Variants in TFG observed in about 807,000 individuals in gnomAD.
The protein encoded by TFG is protein TFG.
In TFG, 22 loss-of-function variants were observed where a neutral mutation model predicts 51.4. The observed-to-expected ratio is 0.43, with a 90% CI of 0.31 to 0.61. The LOEUF (loss-of-function observed/expected upper bound fraction) is 0.61, where lower values mean the gene tolerates loss of function less well. TFG is among the 20% of genes least tolerant of loss of function. The pLI, the probability that TFG is intolerant of heterozygous loss-of-function variation, is 0.12. For missense variants in TFG, 419 were observed against 487.7 expected (o/e 0.86, Z 1.33); for synonymous variants, 187 against 165.6 (o/e 1.13, Z -0.99).
intron 6 of TFG, among the ~76,000 whole-genome samples, chr3:100,740,322 G>A (rs1030957613): frequency 6.6e-6 from 1 of 152,160 alleles, no homozygotes; most frequent in Non-Finnish European, 1.5e-5. Flanking sequence ...GGCTGCTGGG[G>A]TTATAGTCAT....
chr3:100,715,830 G>A (rs2095044295), intron 2 of TFG, among the ~76,000 whole-genome samples: 1 of 150,258 alleles, frequency 6.7e-6, no homozygotes, highest in South Asian at 2.1e-4. Context: ...AGGCAATACT[G>A]CCAACCCGGC....
chr3:100,740,808 A>G (rs1361786061), intron 6 of TFG, among the ~76,000 whole-genome samples: 1 of 151,920 alleles, frequency 6.6e-6, no homozygotes, highest in East Asian at 1.9e-4. Flanking sequence ...TTTTTACTTT[A>G]TTCTGTCATT....
chr3:100,715,443 G>A (rs973386786), intron 2 of TFG, among the ~76,000 whole-genome samples: 2 of 152,216 alleles, frequency 1.3e-5, no homozygotes, highest in East Asian at 1.9e-4. Context: ...ATGCAAATGG[G>A]TTGGGAAGTA....
intron 5 of TFG, among the ~76,000 whole-genome samples, chr3:100,733,451 T>G (rs561119543): frequency 3.3e-5 from 5 of 152,334 alleles, no homozygotes; most frequent in African/African-American, 9.6e-5. Context: ...TCTGTTGAGA[T>G]TCTTTATTTT....
chr3:100,728,841 C>T lies in TFG; in HGVS notation c.398C>T (p.Thr133Ile), dbSNP rs749474872. ...LEPPGEPGPSTNIPENDTVDG... is the reference protein window; with the variant it reads ...LEPPGEPGPSINIPENDTVDG... The stretch of plus-strand genomic sequence containing the variant: ...CCACCTGGAGAACCAGGACCTTCCA[C>T]CAATATTCCTGAAAATGGTAAACCC... The change falls in exon 4 of 8, where the codon ACC (threonine) becomes ATC (isoleucine). Residue 133 changes from threonine to isoleucine, a missense_variant. By Grantham distance (89) the Thr-to-Ile change is moderately conservative (BLOSUM62 -1). This residue lies in a region of TFG where 391 missense variants were observed against 434.4 expected (regional missense o/e 0.90). Coordinates refer to ENST00000240851, the MANE Select transcript of TFG (RefSeq NM_006070.6). 3.1e-6 allele frequency: 5 copies of T among 1,604,006 alleles called. No individual in the cohort carries two copies. In the South Asian group the frequency reaches 5.6e-5, roughly 18 times the overall value.
chr3:100,720,496 A>G (rs1030720432), intron 3 of TFG, among the ~76,000 whole-genome samples: 1 of 152,246 alleles, frequency 6.6e-6, no homozygotes, highest in African/African-American at 2.4e-5. Context: ...CAGTTCTTCT[A>G]TGGAAGGGGG....
intron 1 of TFG, among the ~76,000 whole-genome samples, chr3:100,710,725 A>G (rs1249731447): frequency 6.6e-6 from 1 of 152,180 alleles, no homozygotes; most frequent in East Asian, 1.9e-4. Flanking sequence ...GTTATATTAT[A>G]CAAGTTAGAA....
At chr3:100,718,879 A>T (rs1162615228) in intron 2 of TFG, among the ~76,000 whole-genome samples, 1 of 151,790 alleles carries the variant, frequency 6.6e-6, no homozygotes, top group Non-Finnish European at 1.5e-5. Context: ...GATTGTTTTG[A>T]TTTGTGTCCG....
chr3:100,736,409 G>A (rs1396951462), intron 5 of TFG, among the ~76,000 whole-genome samples, 167 bp from the exon 6 acceptor site: 2 of 152,094 alleles, frequency 1.3e-5, no homozygotes, highest in Admixed American at 1.3e-4. Context: ...TAAGAGATTG[G>A]AGCAAAGGAA....
intron 2 of TFG, among the ~76,000 whole-genome samples, chr3:100,719,756 G>GT (rs775088744): frequency 2.6e-5 from 4 of 152,112 alleles, no homozygotes; most frequent in Non-Finnish European, 5.9e-5. Flanking sequence ...GTGGATATGT[G>GT]TAAATACCTT....
At chr3:100,715,726 AT>A (rs879744191) in intron 2 of TFG, among the ~76,000 whole-genome samples, 216 of 144,500 alleles carry the variant, frequency 1.5e-3, no homozygotes, top group Admixed American at 1.7e-3. Context: ...TGATCAGTGA[AT>A]TTTTTTTTTT....
chr3:100,714,585 A>T (rs7650690), intron 2 of TFG, among the ~76,000 whole-genome samples: 2 of 151,378 alleles, frequency 1.3e-5, no homozygotes, highest in African/African-American at 4.9e-5. Flanking sequence ...TACAAGCATT[A>T]TTTTCTCCTT....
At chr3:100,714,734 A>G (rs1428685425) in intron 2 of TFG, among the ~76,000 whole-genome samples, 1 of 152,236 alleles carries the variant, frequency 6.6e-6, no homozygotes, top group Non-Finnish European at 1.5e-5. Context: ...GGTTTAAACA[A>G]AGACAAAAGT....
intron 7 of TFG, 62 bp downstream of exon 7, chr3:100,744,993 A>G: frequency 1.0e-6 from 1 of 991,820 alleles, no homozygotes; most frequent in South Asian, 1.8e-5. Context: ...ATTAAACTTT[A>G]AGTTCTTAAT....
chr3:100,732,566 T>A lies in TFG; in HGVS notation c.474T>A (p.Thr158=). Residue 158 remains threonine (T), a synonymous_variant, in exon 5 of 8, where the codon ACT becomes ACA. Transcript: ENST00000240851. ...SASDSSGKQS[T]QVMAASMSAF... is the part of the protein sequence containing the mutation. ...CTGATTCTTCTGGAAAACAGTCTAC[T>A]CAGGTTATGGCAGCAAGTATGTCTG... 6.2e-7 allele frequency: 1 copy of A among 1,613,054 alleles called. No homozygotes were observed. The highest frequency in any genetic ancestry group is 8.5e-7 in the Non-Finnish European group (1 of 1,179,434).
intron 3 of TFG, 113 bp from the exon 4 acceptor site, chr3:100,728,599 A>T: frequency 2.4e-6 from 2 of 842,068 alleles, no homozygotes; most frequent in Non-Finnish European, 3.5e-6. Context: ...CATTACATTG[A>T]TATCTTGTTT....
At chr3:100,746,475 A>G (rs2095135193) in intron 7 of TFG, among the ~76,000 whole-genome samples, 1 of 152,166 alleles carries the variant, frequency 6.6e-6, no homozygotes, top group African/African-American at 2.4e-5. Flanking sequence ...GAGTTGGCAG[A>G]CTTACTCCAT....
intron 3 of TFG, among the ~76,000 whole-genome samples, chr3:100,722,010 C>CTAATTT (rs1204221234): frequency 6.6e-6 from 1 of 152,048 alleles, no homozygotes. Flanking sequence ...AATTAGCCAG[C>CTAATTT]TGTAGTGGTG....
chr3:100,729,597 T>C (rs1439647162), intron 4 of TFG, among the ~76,000 whole-genome samples: 1 of 152,102 alleles, frequency 6.6e-6, no homozygotes, highest in East Asian at 1.9e-4. Context: ...TATTATTTTT[T>C]TCTTTTTACA....
Sources: allele counts gnomAD v4.1 joint callset (sites outside exome capture counted in the v4.1 genomes callset), GRCh38; gene constraint gnomAD v4.1.1; regional missense constraint gnomAD v4.1.1; transcripts MANE v1.5; gene names NCBI Gene and HGNC (gene_info 2026-07-23, HGNC 2026-07-21).